PSEN2: variants seen among roughly 807,000 people sequenced by gnomAD.
The protein encoded by PSEN2 is presenilin 2.
PSEN2 carries 32 observed loss-of-function variants against 49.1 expected under a neutral mutation model. The ratio of observed to expected loss-of-function variants is 0.65; its 90% CI spans 0.49 to 0.88. PSEN2 has a LOEUF of 0.88. Ranked by LOEUF, PSEN2 falls within the 40% of genes least tolerant of loss-of-function variation. The pLI is 0.00. For missense variants in PSEN2, 522 were observed against 586.9 expected, an observed-to-expected ratio of 0.89 and a Z score of 1.14; for synonymous variants, 255 against 244.0, an observed-to-expected ratio of 1.05 and a Z score of -0.42.
rs1211351135 is a variant in PSEN2, at chr1:226,894,108, T to A, written c.1174T>A (p.Phe392Ile). 1.2e-6 allele frequency: 2 copies of A among 1,613,950 alleles called. No individual in the cohort carries two copies. The highest frequency in any genetic ancestry group is 2.7e-5 in the African/African-American group (2 of 74,942). ...SGDWNTTLAC[F>I]VAILIGLCLT... ...GGACTGGAATACCACGCTGGCCTGC[T>A]TCGTGGCCATCCTCATTGTGAGTGG... The change falls in exon 12 of 13, where the codon TTC (phenylalanine) becomes ATC (isoleucine). Residue 392 changes from phenylalanine to isoleucine, a missense_variant. By Grantham distance (21) the Phe-to-Ile change is conservative. Coordinates refer to ENST00000366783, the MANE Select transcript of PSEN2 (RefSeq NM_000447.3).
chr1:226,896,164 C>G (rs930212318), downstream of PSEN2: 2 of 162,510 alleles, frequency 1.2e-5, no homozygotes, highest in Non-Finnish European at 2.7e-5. Flanking sequence ...CCTGGGATAA[C>G]TTGTGCTGTG....
chr1:226,892,344 G>A (rs1661815427), intron 11 of PSEN2, among the ~76,000 whole-genome samples: 1 of 152,226 alleles, frequency 6.6e-6, no homozygotes, highest in Non-Finnish European at 1.5e-5. Context: ...GACAGACTCA[G>A]GAATCAGAGG....
At chr1:226,886,347 G>A (rs779740073) in intron 6 of PSEN2, among the ~76,000 whole-genome samples, 7 of 151,848 alleles carry the variant, frequency 4.6e-5, no homozygotes, top group Non-Finnish European at 8.8e-5. Flanking sequence ...TTTCCTTTTC[G>A]GGCAAGGATG....
rs760698293 is a variant in PSEN2 at position 226,889,027 on chromosome 1, C to T, written c.765C>T (p.Ile255=). Residue 255 remains isoleucine (I), a synonymous_variant, in exon 8 of 13, where the codon ATC becomes ATT. Coordinates refer to ENST00000366783, the MANE Select transcript of PSEN2 (RefSeq NM_000447.3). ...TCCCAGAGTGGTCCGCGTGGGTCAT[C>T]CTGGGCGCCATCTCTGTGTATGGTA... is the stretch of plus-strand genomic sequence containing the variant. ...KYLPEWSAWV[I]LGAISVYDLV... is the part of the protein sequence containing the mutation. 1 of 1,613,934 alleles carries T rather than the reference C, an allele frequency of 6.2e-7. No individual in the cohort carries two copies. The highest frequency in any genetic ancestry group is 1.7e-5 in the Admixed American group (1 of 59,996).
At chr1:226,870,932 C>A (rs1343878191) in intron 1 of PSEN2, 3 of 152,272 alleles carry the variant, frequency 2.0e-5, no homozygotes, top group African/African-American at 7.2e-5. Context: ...AGGCCTTCGG[C>A]CTCACTGCGT....
rs1334583092 is a variant in PSEN2, at chr1:226,885,689, T to TGGC, written c.498+11_498+13dup. 1 of 1,605,280 alleles carries TGGC rather than the reference T, an allele frequency of 6.2e-7. No homozygotes were observed. The highest frequency in any genetic ancestry group is 1.7e-5 in the Admixed American group (1 of 60,000). On this transcript the variant is annotated intron_variant, in intron 6 of 12. Transcript: ENST00000366783. ...GTACCGCTGCTACAAGGTGAGGCCC[T>TGGC]GGCCCTGCCCTCCAGCCACGCTTCT... is the stretch of plus-strand genomic sequence containing the variant.
chr1:226,883,992 T>G, intron 5 of PSEN2, 73 bp downstream of exon 5: 1 of 1,287,782 alleles, frequency 7.8e-7, no homozygotes, highest in East Asian at 2.4e-5. Flanking sequence ...CGCAGCAGCC[T>G]GTGTTGGTCA....
In PSEN2 at chr1:226,871,416, C is replaced by CA. The variant is rs1403808596; in HGVS notation, c.-207+13dup. Reference sequence around the variant, plus strand: ...CCAAGGTCGCCCAGGTACGATATAGCAGAGCCAGGCTTCGACCCCAGTGTC... The same window carrying CA: ...CCAAGGTCGCCCAGGTACGATATAGCAAGAGCCAGGCTTCGACCCCAGTGTC... On this transcript the variant is annotated intron_variant, in intron 2 of 12. Coordinates refer to ENST00000366783, the MANE Select transcript of PSEN2 (RefSeq NM_000447.3). 6.6e-6 allele frequency: 1 copy of CA among 152,236 alleles called. No individual in the cohort carries two copies. Among genetic ancestry groups the CA allele is most frequent in the African/African-American group, 2.4e-5 (1 of 41,444 alleles). 9.4% of individuals were successfully genotyped at this position (152,236 alleles called of 1,614,324 possible).
intron 5 of PSEN2, chr1:226,884,662 C>T (rs1397275717): frequency 6.6e-6 from 1 of 151,426 alleles, no homozygotes; most frequent in Non-Finnish European, 1.5e-5. Flanking sequence ...GCCTGTAATC[C>T]CAGCACTTTG....
At chr1:226,891,974 CTG>C (rs1661787814) in intron 11 of PSEN2, 130 bp downstream of exon 11, 7 of 767,842 alleles carry the variant, frequency 9.1e-6, no homozygotes, top group South Asian at 8.7e-5. Flanking sequence ...AGAGGCATCT[CTG>C]TGAAAGTAGA....
Position 226,893,915 on chromosome 1 carries a change from A to G in PSEN2, c.1073-92A>G, listed in dbSNP as rs1319401224. 3 of 1,147,624 alleles carry G rather than the reference A, an allele frequency of 2.6e-6. No homozygotes were observed. In the East Asian group the frequency reaches 7.0e-5, roughly 27 times the overall value. The allele number at this position is 1,147,624 out of a possible 1,614,324, so 71.1% of individuals were successfully genotyped here. On this transcript the variant is annotated intron_variant, in intron 11 of 12. Transcript: ENST00000366783. ...CCAGGTGGGGTGGGCTGGGCTGGGC[A>G]AGAGCAGCTGGGCCTTCTGGGCCAG...
At chr1:226,890,955 T>G (rs983338362) in intron 9 of PSEN2, 4 of 381,224 alleles carry the variant, frequency 1.0e-5, no homozygotes, top group South Asian at 3.0e-5. Context: ...GCGGAGACCA[T>G]GTATGGAAAG....
intron 12 of PSEN2, 79 bp downstream of exon 12, chr1:226,894,204 G>C (rs978064285): frequency 2.0e-6 from 2 of 976,576 alleles, no homozygotes; most frequent in African/African-American, 3.3e-5. Context: ...CAGGTCTCAG[G>C]ATCCCTAGGG....
intron 4 of PSEN2, among the ~76,000 whole-genome samples, chr1:226,882,929 C>A (rs185076251): frequency 6.6e-6 from 1 of 152,214 alleles, no homozygotes; most frequent in Admixed American, 6.5e-5. Flanking sequence ...TGCAGAGAAC[C>A]GGTACTGAAG....
intron 12 of PSEN2, 105 bp from the exon 13 acceptor site, chr1:226,895,319 G>A (rs531253119): frequency 3.0e-6 from 4 of 1,352,262 alleles, no homozygotes; most frequent in Non-Finnish European, 4.2e-6. Flanking sequence ...GCCGTTATCC[G>A]ACTGGTCCTC....
At chr1:226,873,568 A>G (rs890312091) in intron 2 of PSEN2, among the ~76,000 whole-genome samples, 5 of 151,930 alleles carry the variant, frequency 3.3e-5, no homozygotes, top group African/African-American at 1.2e-4. Context: ...GGTGCCTGCC[A>G]CCACTCCCAG....
downstream of PSEN2, among the ~76,000 whole-genome samples, chr1:226,896,290 G>A (rs1466064221): frequency 1.3e-5 from 2 of 152,218 alleles, no homozygotes; most frequent in African/African-American, 2.4e-5. Flanking sequence ...AGAGCAGGGT[G>A]GCCTGACATC....
At position 226,895,477 on chromosome 1, in the gene PSEN2, C is replaced by T. The variant is rs1387034807; in HGVS notation, c.1245C>T (p.Ala415=). 1.2e-6 allele frequency: 2 copies of T among 1,614,060 alleles called. No individual in the cohort carries two copies. ...CTGTGTTCAAGAAGGCGCTGCCCGC[C>T]CTCCCCATCTCCATCACGTTCGGGC... is the stretch of plus-strand genomic sequence containing the variant. ...LLAVFKKALP[A]LPISITFGLI... is the part of the protein sequence containing the mutation. Residue 415 remains alanine (A), a synonymous_variant, in exon 13 of 13, where the codon GCC becomes GCT. Transcript: ENST00000366783.
At position 226,885,692 on chromosome 1, in the gene PSEN2, C is replaced by A; in HGVS notation, c.498+13C>A. ...CCGCTGCTACAAGGTGAGGCCCTGG[C>A]CCTGCCCTCCAGCCACGCTTCTCTC... On this transcript the variant is annotated intron_variant, in intron 6 of 12. Transcript: ENST00000366783. 6.2e-7 allele frequency: 1 copy of A among 1,604,952 alleles called. No individual in the cohort carries two copies. The highest frequency in any genetic ancestry group is 8.5e-7 in the Non-Finnish European group (1 of 1,179,894).
Sources: allele counts gnomAD v4.1 joint callset (sites outside exome capture counted in the v4.1 genomes callset), GRCh38; gene constraint gnomAD v4.1.1; transcripts MANE v1.5; gene names NCBI Gene and HGNC (gene_info 2026-07-23, HGNC 2026-07-21).